SERPINI1: variants seen among roughly 807,000 people sequenced by gnomAD.
SERPINI1 encodes the protein serpin family I member 1, also known as neuroserpin.
In SERPINI1, 19 loss-of-function variants were observed where a neutral mutation model predicts 41.1. That is an observed-to-expected ratio of 0.46 (90% CI 0.32 to 0.68). The LOEUF is 0.68. SERPINI1 is among the 30% of genes least tolerant of loss of function. SERPINI1 has a pLI of 0.03. For synonymous variants in SERPINI1, 138 were observed against 156.6 expected, an observed-to-expected ratio of 0.88 and a Z score of 0.89; for missense variants, 460 against 479.2, an observed-to-expected ratio of 0.96 and a Z score of 0.37.
At chr3:167,786,196 C>G (rs1727299783) in intron 1 of SERPINI1, among the ~76,000 whole-genome samples, 2 of 152,058 alleles carry the variant, frequency 1.3e-5, no homozygotes, top group Admixed American at 1.3e-4. Context: ...ATAAGTGGGA[C>G]AAGATATAAG....
At chr3:167,758,552 C>G (rs1726265071) in intron 1 of SERPINI1, among the ~76,000 whole-genome samples, 1 of 152,134 alleles carries the variant, frequency 6.6e-6, no homozygotes, top group South Asian at 2.1e-4. Flanking sequence ...TAATCATTAA[C>G]AGATTAAAAT....
chr3:167,787,550 T>C (rs1419056117), intron 1 of SERPINI1, among the ~76,000 whole-genome samples: 1 of 152,218 alleles, frequency 6.6e-6, no homozygotes, highest in Non-Finnish European at 1.5e-5. Context: ...CTGGCAGGGC[T>C]GCTGTGCTCT....
intron 1 of SERPINI1, among the ~76,000 whole-genome samples, chr3:167,776,551 G>T (rs371477603): frequency 3.0e-4 from 45 of 152,278 alleles, no homozygotes; most frequent in Middle Eastern, 3.4e-3. Context: ...CATGTTTTGT[G>T]GGATTAATGC....
intron 1 of SERPINI1, among the ~76,000 whole-genome samples, chr3:167,740,169 A>G (rs573843363): frequency 6.6e-6 from 1 of 152,138 alleles, no homozygotes; most frequent in African/African-American, 2.4e-5. Context: ...AGTAGCTAAG[A>G]CTACAGGCAA....
At chr3:167,797,422 G>A (rs1363143093) in intron 5 of SERPINI1, among the ~76,000 whole-genome samples, 2 of 152,084 alleles carry the variant, frequency 1.3e-5, no homozygotes, top group Non-Finnish European at 2.9e-5. Flanking sequence ...CTTTGCCTGT[G>A]TCTGTGTCCT....
chr3:167,774,385 A>T lies in SERPINI1; in HGVS notation c.-18-14726A>T, dbSNP rs569824025. 2.0e-5 allele frequency among the ~76,000 whole-genome samples: 3 copies of T among 152,270 alleles called. No homozygotes were observed. In the East Asian group the frequency reaches 5.8e-4, roughly 29 times the overall value. ...CTCAGATCTTGAGAAAATTATGGTT[A>T]TTGGCCAAGATAAAAGTGTATCTGC... On this transcript the variant is annotated intron_variant, in intron 1 of 8. Transcript: ENST00000446050.
intron 1 of SERPINI1, among the ~76,000 whole-genome samples, chr3:167,787,193 C>A (rs995279062): frequency 4.6e-5 from 7 of 152,144 alleles, no homozygotes; most frequent in Non-Finnish European, 8.8e-5. Context: ...GGCAATAACA[C>A]CCATGGAGCT....
intron 1 of SERPINI1, among the ~76,000 whole-genome samples, chr3:167,740,032 G>A (rs377732705): frequency 1.0e-5 from 1 of 100,112 alleles, no homozygotes; most frequent in Non-Finnish European, 2.1e-5. Flanking sequence ...TTTTTTTTTT[G>A]CCGCCTTTTT....
chr3:167,742,377 A>G, intron 1 of SERPINI1, among the ~76,000 whole-genome samples: 1 of 152,208 alleles, frequency 6.6e-6, no homozygotes, highest in East Asian at 1.9e-4. Context: ...TTCCAGAACA[A>G]GAAGTCTGAG....
chr3:167,756,260 T>A (rs1404118172), intron 1 of SERPINI1, among the ~76,000 whole-genome samples: 1 of 152,156 alleles, frequency 6.6e-6, no homozygotes, highest in Non-Finnish European at 1.5e-5. Context: ...TTTGTGTTTA[T>A]TTCCCATAAT....
intron 1 of SERPINI1, among the ~76,000 whole-genome samples, chr3:167,744,738 T>C (rs1456054046): frequency 1.1e-4 from 14 of 124,898 alleles, no homozygotes; most frequent in Non-Finnish European, 2.1e-4. Flanking sequence ...AATATATATA[T>C]TATATATAAC....
chr3:167,813,423 C>T (rs1337977043), intron 6 of SERPINI1, among the ~76,000 whole-genome samples: 1 of 152,188 alleles, frequency 6.6e-6, no homozygotes, highest in Non-Finnish European at 1.5e-5. Flanking sequence ...CCAACCTCCT[C>T]ATAGCTCAGG....
At chr3:167,801,770 T>A (rs1484270258) in intron 5 of SERPINI1, among the ~76,000 whole-genome samples, 1 of 152,126 alleles carries the variant, frequency 6.6e-6, no homozygotes, top group African/African-American at 2.4e-5. Flanking sequence ...AGGAAAGAAA[T>A]AATAAATAAT....
chr3:167,822,719 T>G lies in SERPINI1; in HGVS notation c.980-267T>G, dbSNP rs75142179. Among the ~76,000 whole-genome samples, 920 of 152,130 alleles carry G rather than the reference T, an allele frequency of 6.0e-3. 8 individuals carry two copies. The highest frequency in any genetic ancestry group is 0.021 in the African/African-American group (872 of 41,470). On this transcript the variant is annotated intron_variant, in intron 6 of 8. Transcript: ENST00000446050. Reference sequence around the variant, plus strand: ...AATTTGAAGTCACTAGTAAAAAAAGTTTCCACTTTTTCTGAAAATATAAGA... The same window carrying G: ...AATTTGAAGTCACTAGTAAAAAAAGGTTCCACTTTTTCTGAAAATATAAGA...
chr3:167,776,095 G>A (rs1261445465), intron 1 of SERPINI1, among the ~76,000 whole-genome samples: 1 of 152,178 alleles, frequency 6.6e-6, no homozygotes, highest in East Asian at 1.9e-4. Context: ...AAACAGTAGG[G>A]ATTTCTTAAA....
intron 5 of SERPINI1, among the ~76,000 whole-genome samples, chr3:167,796,022 G>A (rs907424792): frequency 4.6e-5 from 7 of 152,170 alleles, no homozygotes; most frequent in African/African-American, 1.7e-4. Context: ...ATTAATTACT[G>A]TGAGCATTAA....
chr3:167,815,457 T>C (rs1266659987), intron 6 of SERPINI1, among the ~76,000 whole-genome samples: 1 of 152,088 alleles, frequency 6.6e-6, no homozygotes, highest in Non-Finnish European at 1.5e-5. Flanking sequence ...TGGCACAATC[T>C]TGGCTCACTG....
intron 1 of SERPINI1, among the ~76,000 whole-genome samples, chr3:167,753,997 A>T (rs370455123): frequency 9.8e-5 from 15 of 152,314 alleles, no homozygotes; most frequent in East Asian, 7.7e-4. Context: ...GGGGGAGAGG[A>T]GTAGATTTCT....
At chr3:167,775,601 A>C (rs1013970464) in intron 1 of SERPINI1, among the ~76,000 whole-genome samples, 2 of 152,104 alleles carry the variant, frequency 1.3e-5, no homozygotes, top group African/African-American at 2.4e-5. Context: ...ATTTTATTAC[A>C]CGAAAACATT....
Sources: gnomAD v4.1 joint callset for allele counts (sites outside exome capture counted in the v4.1 genomes callset) on GRCh38, gnomAD v4.1.1 for gene constraint, MANE v1.5 for transcripts, NCBI Gene and HGNC (gene_info 2026-07-23, HGNC 2026-07-21) for gene names.